Variants in ANK2 observed in about 807,000 individuals in gnomAD.
ANK2 encodes the protein ankyrin 2.
In ANK2, 83 loss-of-function variants were observed where a neutral mutation model predicts 360.5. The observed-to-expected ratio is 0.23, with a 90% confidence interval of 0.19 to 0.28. The LOEUF is 0.28. Among genes scored for constraint, ANK2 ranks in the 10% least tolerant of loss-of-function variants. The pLI is 1.00. For synonymous variants in ANK2, 1,740 were observed against 1,759.5 expected (o/e 0.99, Z 0.28); for missense variants, 4,201 against 4,795.7 (o/e 0.88, Z 3.66).
chr4:112,804,241 C>T, the ANK2 span, among the ~76,000 whole-genome samples: 2 of 152,196 alleles, frequency 1.3e-5, no homozygotes, highest in South Asian at 2.1e-4. Context: ...AGGATGGTCT[C>T]GATCTCCTGA....
chr4:113,264,955 G>C lies in ANK2; in HGVS notation c.1445G>C (p.Cys482Ser), dbSNP rs576018476. The change falls in exon 14 of 46, where the codon TGC (cysteine) becomes TCC (serine). Residue 482 changes from cysteine (C) to serine (S), a missense_variant. This residue lies in a region of ANK2 where 1,268 missense variants were observed against 1,650.8 expected (regional missense o/e 0.77). Coordinates refer to ENST00000357077, the MANE Select transcript of ANK2 (RefSeq NM_001148.6). ...GCCGGGCAGGTGGAAGTGGTCCGAT[G>C]CCTCCTGAGAAATGGTGCCCTTGTT... is the stretch of plus-strand genomic sequence containing the variant. ...ARAGQVEVVR[C>S]LLRNGALVDA... 3.8e-6 allele frequency: 6 copies of C among 1,568,560 alleles called. No homozygotes were observed. The highest frequency in any genetic ancestry group is 5.2e-6 in the Non-Finnish European group (6 of 1,155,630).
At chr4:112,819,639 A>G (rs966328534) in intron 1 of ANK2, among the ~76,000 whole-genome samples, 3 of 152,062 alleles carry the variant, frequency 2.0e-5, no homozygotes, top group African/African-American at 7.2e-5. Flanking sequence ...ATTCTATTCC[A>G]CTGAACTGCA....
chr4:113,315,792 G>C (rs1208575978), intron 24 of ANK2, among the ~76,000 whole-genome samples: 1 of 151,494 alleles, frequency 6.6e-6, no homozygotes, highest in Admixed American at 6.6e-5. Context: ...CCAGCTACTC[G>C]GGAGGCTGAG....
chr4:113,048,268 ATATATATATTTTTTTTTTTTTTTT>A (rs1386641696), upstream of ANK2, among the ~76,000 whole-genome samples: 1 of 82,784 alleles, frequency 1.2e-5, no homozygotes, highest in Non-Finnish European at 2.0e-5. Flanking sequence ...ATATATATAT[ATATATATATTTTTTTTTTTTTTTT>A]TTTTTTTTTT....
rs529167858 is a variant in ANK2 at position 112,915,754 on chromosome 4, C to CAAA, written c.21+11248_21+11250dup. ...TGGGCAACAGAGTGAGACTCTGTTTCAAAAAAAAAATAAATAAATAAATAA... is the reference window on the plus strand; with the variant it reads ...TGGGCAACAGAGTGAGACTCTGTTTCAAAAAAAAAAAAATAAATAAATAAATAA... On this transcript the variant is annotated intron_variant, in intron 2 of 30. Transcript: ENST00000503271. 1.7e-3 allele frequency among the ~76,000 whole-genome samples: 246 copies of CAAA among 141,274 alleles called. 3 individuals are homozygous for CAAA. The highest frequency in any genetic ancestry group is 3.1e-3 in the African/African-American group (114 of 36,928). 92.7% of individuals were successfully genotyped at this position (141,274 alleles called of 152,430 possible). A position where few individuals can be genotyped will look rare whatever the true frequency, so the allele number is the denominator to read the frequency against.
the ANK2 span, among the ~76,000 whole-genome samples, chr4:112,730,728 A>G: frequency 6.6e-6 from 1 of 151,570 alleles, no homozygotes; most frequent in Non-Finnish European, 1.5e-5. Flanking sequence ...AACAGGATAA[A>G]TAGGCTGGGC....
intron 2 of ANK2, among the ~76,000 whole-genome samples, chr4:112,970,321 C>T (rs1043490682): frequency 2.6e-5 from 4 of 151,656 alleles, no homozygotes; most frequent in Non-Finnish European, 5.9e-5. Flanking sequence ...CACATACATG[C>T]TCATATATGT....
At chr4:113,166,298 A>G (rs2097754802) in intron 1 of ANK2, among the ~76,000 whole-genome samples, 1 of 152,128 alleles carries the variant, frequency 6.6e-6, no homozygotes, top group Admixed American at 6.5e-5. Context: ...TATGAAGCCA[A>G]ACTAATATCA....
intron 1 of ANK2, among the ~76,000 whole-genome samples, chr4:113,152,090 A>G (rs1267055516): frequency 5.2e-5 from 4 of 77,154 alleles, no homozygotes; most frequent in Admixed American, 1.3e-4. Context: ...AAAAAAAAAA[A>G]AAAAGAAAAA....
At chr4:112,878,759 C>T (rs2075893878) in intron 1 of ANK2, among the ~76,000 whole-genome samples, 1 of 152,102 alleles carries the variant, frequency 6.6e-6, no homozygotes, top group South Asian at 2.1e-4. Flanking sequence ...TCAGCCTGTC[C>T]GAGTAGCTGG....
At chr4:112,842,321 C>G (rs1013516734) in intron 1 of ANK2, among the ~76,000 whole-genome samples, 1 of 152,198 alleles carries the variant, frequency 6.6e-6, no homozygotes, top group African/African-American at 2.4e-5. Context: ...AAATTATTTT[C>G]AATGTTGACA....
intron 28 of ANK2, 138 bp downstream of exon 28, chr4:113,332,208 A>T (rs1472626558): frequency 2.5e-6 from 2 of 801,798 alleles, no homozygotes; most frequent in Non-Finnish European, 4.3e-6. Context: ...ACCTATCTTT[A>T]GTGGACCATT....
At chr4:112,720,637 G>GA in the ANK2 span, among the ~76,000 whole-genome samples, 5 of 152,120 alleles carry the variant, frequency 3.3e-5, no homozygotes, top group African/African-American at 1.2e-4. Context: ...CATATTGCCT[G>GA]AAATATAACA....
At chr4:113,159,568 C>T (rs2154401741) in intron 1 of ANK2, among the ~76,000 whole-genome samples, 1 of 151,834 alleles carries the variant, frequency 6.6e-6, no homozygotes, top group Non-Finnish European at 1.5e-5. Context: ...AATCTTTTTC[C>T]TCACAGAGAA....
At chr4:113,202,212 C>T (rs1237854293) in intron 4 of ANK2, among the ~76,000 whole-genome samples, 1 of 151,866 alleles carries the variant, frequency 6.6e-6, no homozygotes, top group South Asian at 2.1e-4. Flanking sequence ...TTATTTTACC[C>T]CCTGTGTGTG....
At chr4:112,997,422 C>T (rs1019902855) in intron 2 of ANK2, among the ~76,000 whole-genome samples, 2 of 152,066 alleles carry the variant, frequency 1.3e-5, no homozygotes, top group Non-Finnish European at 2.9e-5. Context: ...CCTCTATCCT[C>T]CAAAAACTAC....
intron 3 of ANK2, among the ~76,000 whole-genome samples, chr4:113,197,576 T>TAAAC (rs777021289): frequency 1.7e-4 from 26 of 151,904 alleles, no homozygotes; most frequent in Non-Finnish European, 2.9e-4. Context: ...TAATCTGGAG[T>TAAAC]AAACAAACAA....
chr4:113,369,831 G>T (rs190363572), intron 43 of ANK2, 26 bp downstream of exon 43: 3 of 1,613,418 alleles, frequency 1.9e-6, no homozygotes, highest in Non-Finnish European at 1.7e-6. Flanking sequence ...CCACTTTCTC[G>T]CCCACCTGTA....
At chr4:113,176,753 G>A (rs6853426) in intron 2 of ANK2, among the ~76,000 whole-genome samples, 75,937 of 151,570 alleles carry the variant, frequency 0.5, 20,110 homozygotes, top group African/African-American at 0.69. Context: ...TACATTAGGT[G>A]TATCTCCTAA....
Sources: allele counts gnomAD v4.1 joint callset (sites outside exome capture counted in the v4.1 genomes callset), GRCh38; gene constraint gnomAD v4.1.1; regional missense constraint gnomAD v4.1.1; transcripts MANE v1.5; gene names NCBI Gene and HGNC (gene_info 2026-07-23, HGNC 2026-07-21).